Variants in IL23R observed in about 807,000 individuals in gnomAD.
IL23R encodes interleukin-23 receptor.
Under a neutral mutation model 56.9 loss-of-function variants are expected in IL23R, and 34 were observed. The observed-to-expected ratio is 0.60, with a 90% CI of 0.45 to 0.80. The LOEUF (loss-of-function observed/expected upper bound fraction) is 0.80, where lower values mean the gene tolerates loss of function less well. IL23R is among the 30% of genes least tolerant of loss of function. IL23R has a pLI of 0.00. For synonymous variants in IL23R, 230 were observed against 249.2 expected, an observed-to-expected ratio of 0.92 and a Z score of 0.73; for missense variants, 635 against 730.0, an observed-to-expected ratio of 0.87 and a Z score of 1.50.
At chr1:67,153,329 C>T (rs1331951922) in intron 1 of IL23R, among the ~76,000 whole-genome samples, 1 of 151,372 alleles carries the variant, frequency 6.6e-6, no homozygotes, top group Non-Finnish European at 1.5e-5. Context: ...CTATTTGACT[C>T]TTCTCTCTTT....
At chr1:67,209,414 G>C (rs1649297196) in intron 6 of IL23R, among the ~76,000 whole-genome samples, 1 of 152,140 alleles carries the variant, frequency 6.6e-6, no homozygotes, top group Non-Finnish European at 1.5e-5. Flanking sequence ...ACATGTTGTG[G>C]GAGGGAGCCA....
At chr1:67,235,062 GAAC>G (rs1651378294) in intron 7 of IL23R, among the ~76,000 whole-genome samples, 1 of 152,118 alleles carries the variant, frequency 6.6e-6, no homozygotes, top group South Asian at 2.1e-4. Context: ...CCCTGCAAAT[GAAC>G]ATTGGCCTGT....
chr1:67,187,793 C>T (rs1647451167), intron 4 of IL23R, among the ~76,000 whole-genome samples: 1 of 152,178 alleles, frequency 6.6e-6, no homozygotes, highest in African/African-American at 2.4e-5. Context: ...TGGCCAGGCG[C>T]AGTGGCACAC....
At position 67,146,698 on chromosome 1, in the gene IL23R, C is replaced by T. The variant is rs530055494; in HGVS notation, c.-634+7537C>T. Among the ~76,000 whole-genome samples, 6 of 152,284 alleles carry T rather than the reference C, an allele frequency of 3.9e-5. No homozygotes were observed. The South Asian group carries it at 1.2e-3, about 32-fold the overall frequency. On this transcript the variant is annotated intron_variant, in intron 1 of 10. Coordinates refer to the IL23R transcript ENST00000637002. ...CCAAGGTATTTCATGTAATCAGATC[C>T]AAGAATATGAACCCTACCAGATCTT...
chr1:67,199,506 C>T (rs936796491), intron 4 of IL23R, among the ~76,000 whole-genome samples: 3 of 152,166 alleles, frequency 2.0e-5, no homozygotes, highest in Non-Finnish European at 4.4e-5. Context: ...TGCCGACTTC[C>T]CTAACAGGCA....
chr1:67,218,956 T>TAC, intron 6 of IL23R, among the ~76,000 whole-genome samples: 1 of 150,624 alleles, frequency 6.6e-6, no homozygotes. Flanking sequence ...AAAATATATA[T>TAC]ATACACACAC....
intron 1 of IL23R, among the ~76,000 whole-genome samples, chr1:67,167,252 G>C (rs1020850333): frequency 3.9e-5 from 6 of 152,102 alleles, no homozygotes; most frequent in African/African-American, 1.2e-4. Context: ...TGTATTTTTA[G>C]TAGGGACAGG....
intron 6 of IL23R, among the ~76,000 whole-genome samples, chr1:67,209,575 TCAC>T (rs2102642976): frequency 6.6e-6 from 1 of 152,330 alleles, no homozygotes; most frequent in South Asian, 2.1e-4. Flanking sequence ...GTAGTGCCTT[TCAC>T]CACCCATCAT....
At chr1:67,167,007 A>AATAT (rs1212029744) in intron 1 of IL23R, among the ~76,000 whole-genome samples, 2 of 152,234 alleles carry the variant, frequency 1.3e-5, no homozygotes, top group Non-Finnish European at 2.9e-5. Context: ...TGATTAATCA[A>AATAT]ATAGTGTAAC....
Position 67,180,455 on chromosome 1 carries a change from T to C in IL23R, c.368-2381T>C, listed in dbSNP as rs570005728. Among the ~76,000 whole-genome samples the C allele has an allele frequency of 1.7e-4, 26 of 152,256 alleles. No homozygotes were observed. The East Asian group carries it at 4.6e-3, about 27-fold the overall frequency. On this transcript the variant is annotated intron_variant, in intron 3 of 10. Coordinates refer to ENST00000347310, the MANE Select transcript of IL23R (RefSeq NM_144701.3). Reference sequence around the variant, plus strand: ...TAGGATTGCAACCCCTGCCTTTTTTTGTTTTCCATTTGCTTGGTAGATCTT... The same window carrying C: ...TAGGATTGCAACCCCTGCCTTTTTTCGTTTTCCATTTGCTTGGTAGATCTT...
intron 5 of IL23R, among the ~76,000 whole-genome samples, chr1:67,206,650 G>A (rs990886788): frequency 1.7e-4 from 26 of 151,692 alleles, no homozygotes; most frequent in African/African-American, 6.0e-4. Flanking sequence ...AGTGAAAGGT[G>A]GGGGAAAGAC....
intron 2 of IL23R, among the ~76,000 whole-genome samples, chr1:67,168,808 A>C (rs1355098967): frequency 4.6e-5 from 7 of 152,182 alleles, no homozygotes; most frequent in African/African-American, 1.7e-4. Context: ...CTCTTTAGAC[A>C]CTTAGAGAAG....
At chr1:67,178,026 T>C (rs1171042370) in intron 3 of IL23R, among the ~76,000 whole-genome samples, 2 of 151,952 alleles carry the variant, frequency 1.3e-5, no homozygotes, top group East Asian at 3.8e-4. Flanking sequence ...TGTAGCCTTG[T>C]AGTATAGTTT....
At chr1:67,236,880 C>A in intron 8 of IL23R, 78 bp downstream of exon 8, 1 of 919,508 alleles carries the variant, frequency 1.1e-6, no homozygotes, top group Non-Finnish European at 1.8e-6. Flanking sequence ...GAAAAAATCA[C>A]ATCAGGTGTT....
At position 67,207,020 on chromosome 1, in the gene IL23R, A is replaced by G; in HGVS notation, c.763A>G (p.Met255Val). ...QTTIEKVSCE[M>V]RYKATTNQTW... ...AACAATTGAAAAGGTTTCCTGTGAA[A>G]TGAGATACAAGGCTACAACAAACCA... is the stretch of plus-strand genomic sequence containing the variant. Residue 255 changes from methionine (M) to valine (V), a missense_variant, in exon 6 of 11, where the codon ATG becomes GTG. Physicochemically the swap from Met to Val is conservative, Grantham distance 21 (BLOSUM62 1). Transcript: ENST00000347310. 6.2e-7 allele frequency: 1 copy of G among 1,614,060 alleles called. No homozygotes were observed. The highest frequency in any genetic ancestry group is 8.5e-7 in the Non-Finnish European group (1 of 1,180,000).
At chr1:67,238,371 A>C (rs1208162509) in intron 8 of IL23R, among the ~76,000 whole-genome samples, 1 of 151,764 alleles carries the variant, frequency 6.6e-6, no homozygotes, top group East Asian at 1.9e-4. Flanking sequence ...AAAAGAAGAA[A>C]AAGAAAAAGA....
At position 67,174,469 on chromosome 1, in the gene IL23R, A is replaced by G. The variant is rs377023459; in HGVS notation, c.367+4831A>G. The stretch of plus-strand genomic sequence containing the variant: ...CAATTTGCAGGTGAAGTGAAAGCAT[A>G]TATGTACTTAAGATAAATCTTTGGA... On this transcript the variant is annotated intron_variant, in intron 3 of 10. Coordinates refer to ENST00000347310, the MANE Select transcript of IL23R (RefSeq NM_144701.3). 5.3e-5 allele frequency among the ~76,000 whole-genome samples: 8 copies of G among 152,008 alleles called. No individual in the cohort carries two copies. In the East Asian group the frequency reaches 1.5e-3, roughly 29 times the overall value.
chr1:67,155,090 T>C (rs1174881777), intron 1 of IL23R, among the ~76,000 whole-genome samples: 2 of 152,254 alleles, frequency 1.3e-5, no homozygotes, highest in African/African-American at 4.8e-5. Flanking sequence ...TTGAAAATTC[T>C]TTTCTATAAG....
At chr1:67,189,854 G>T (rs940750543) in intron 4 of IL23R, among the ~76,000 whole-genome samples, 2 of 152,122 alleles carry the variant, frequency 1.3e-5, no homozygotes, top group African/African-American at 4.8e-5. Context: ...AGCTACTTGG[G>T]AAGATGGCTT....
Sources: gnomAD v4.1 joint callset for allele counts (sites outside exome capture counted in the v4.1 genomes callset) on GRCh38, gnomAD v4.1.1 for gene constraint, MANE v1.5 for transcripts, NCBI Gene and HGNC (gene_info 2026-07-23, HGNC 2026-07-21) for gene names.